LRRC4C: variants seen among roughly 807,000 people sequenced by gnomAD.
The protein encoded by LRRC4C is leucine-rich repeat-containing protein 4C.
Under a neutral mutation model 33.6 loss-of-function variants are expected in LRRC4C, and 5 were observed. The observed-to-expected ratio is 0.15, with a 90% CI of 0.08 to 0.31. LRRC4C has a LOEUF of 0.31. Ranked by LOEUF, LRRC4C falls within the 10% of genes least tolerant of loss-of-function variation. LRRC4C has a pLI of 1.00. For synonymous variants in LRRC4C, 329 were observed against 302.0 expected (o/e 1.09, Z -0.93); for missense variants, 560 against 796.7 (o/e 0.70, Z 3.58).
chr11:41,108,185 C>A (rs781705284), intron 1 of LRRC4C, among the ~76,000 whole-genome samples: 1 of 152,046 alleles, frequency 6.6e-6, no homozygotes, highest in Non-Finnish European at 1.5e-5. Flanking sequence ...TTCCCCTAGT[C>A]TTTTTCCCCT....
intron 2 of LRRC4C, among the ~76,000 whole-genome samples, chr11:40,827,876 T>C (rs1952234270): frequency 6.6e-6 from 1 of 151,736 alleles, no homozygotes; most frequent in Non-Finnish European, 1.5e-5. Context: ...AAATGTAAGA[T>C]ATATCACCTC....
intron 1 of LRRC4C, among the ~76,000 whole-genome samples, chr11:41,414,614 G>A (rs1179530365): frequency 1.3e-5 from 2 of 151,866 alleles, no homozygotes; most frequent in African/African-American, 4.8e-5. Flanking sequence ...TTTTGGAGAG[G>A]TTCAGAACAG....
At chr11:41,388,603 T>G (rs2137970045) in intron 1 of LRRC4C, among the ~76,000 whole-genome samples, 1 of 152,048 alleles carries the variant, frequency 6.6e-6, no homozygotes, top group South Asian at 2.1e-4. Flanking sequence ...TCAGTTGAAT[T>G]AGCTGAATGG....
chr11:40,643,607 C>T (rs1942252816), intron 3 of LRRC4C, among the ~76,000 whole-genome samples: 1 of 152,120 alleles, frequency 6.6e-6, no homozygotes. Context: ...GGAATAATGA[C>T]ACCAATACCC....
chr11:40,139,385 TATC>T (rs2134948856), intron 6 of LRRC4C, among the ~76,000 whole-genome samples: 1 of 152,342 alleles, frequency 6.6e-6, no homozygotes, highest in Non-Finnish European at 1.5e-5. Context: ...GGGACAATAC[TATC>T]ATCATACTGA....
chr11:41,425,494 G>C (rs1237404913), intron 1 of LRRC4C, among the ~76,000 whole-genome samples: 1 of 151,996 alleles, frequency 6.6e-6, no homozygotes, highest in African/African-American at 2.4e-5. Context: ...TAAACATTTG[G>C]TTGCCAATGA....
intron 1 of LRRC4C, among the ~76,000 whole-genome samples, chr11:41,292,744 C>T (rs185628827): frequency 5.9e-5 from 9 of 152,084 alleles, no homozygotes; most frequent in African/African-American, 2.2e-4. Context: ...TCAATTAATC[C>T]TTTGGATCAT....
intron 1 of LRRC4C, among the ~76,000 whole-genome samples, chr11:41,112,903 T>C (rs904826586): frequency 1.3e-5 from 2 of 152,088 alleles, no homozygotes; most frequent in African/African-American, 4.8e-5. Context: ...TAGGTGTGTG[T>C]GTGTGCACGT....
chr11:41,386,094 G>A (rs193045293), intron 1 of LRRC4C, among the ~76,000 whole-genome samples: 5 of 151,610 alleles, frequency 3.3e-5, no homozygotes, highest in Non-Finnish European at 7.4e-5. Flanking sequence ...GTGTATTTAT[G>A]TATGTATATA....
At chr11:40,556,256 G>A (rs908786095) in intron 3 of LRRC4C, among the ~76,000 whole-genome samples, 1 of 152,092 alleles carries the variant, frequency 6.6e-6, no homozygotes, top group African/African-American at 2.4e-5. Context: ...ATCCTATAGG[G>A]GGTCTCTAAT....
At chr11:40,902,958 T>A (rs1956271017) in intron 2 of LRRC4C, among the ~76,000 whole-genome samples, 1 of 152,152 alleles carries the variant, frequency 6.6e-6, no homozygotes, top group Non-Finnish European at 1.5e-5. Context: ...AAGATCTAGT[T>A]AAGATCATTA....
At chr11:41,256,760 C>T (rs1356961472) in intron 1 of LRRC4C, among the ~76,000 whole-genome samples, 1 of 151,926 alleles carries the variant, frequency 6.6e-6, no homozygotes, top group African/African-American at 2.4e-5. Flanking sequence ...AAATCTACAA[C>T]AATTTAAGGC....
intron 2 of LRRC4C, among the ~76,000 whole-genome samples, chr11:40,787,261 T>TG (rs150684994): frequency 0.13 from 19,053 of 150,182 alleles, 2,004 homozygotes; most frequent in African/African-American, 0.3. Flanking sequence ...AATTGCCAAC[T>TG]GGGGGGGGTA....
chr11:40,943,088 A>G (rs889833591), intron 1 of LRRC4C, among the ~76,000 whole-genome samples: 2 of 152,176 alleles, frequency 1.3e-5, no homozygotes, highest in Admixed American at 6.5e-5. Context: ...GTTTTCTTAA[A>G]TGCAGGTAAT....
At chr11:41,065,098 A>G (rs1938123044) in intron 1 of LRRC4C, among the ~76,000 whole-genome samples, 1 of 152,186 alleles carries the variant, frequency 6.6e-6, no homozygotes, top group African/African-American at 2.4e-5. Flanking sequence ...CAGGGAGCCA[A>G]GTGGTCTTGT....
intron 2 of LRRC4C, among the ~76,000 whole-genome samples, chr11:40,895,128 G>GA (rs553236927): frequency 4.7e-5 from 7 of 149,626 alleles, no homozygotes; most frequent in South Asian, 4.2e-4. Flanking sequence ...ATTGTTCAAG[G>GA]AAAAAAAAAT....
intron 5 of LRRC4C, among the ~76,000 whole-genome samples, chr11:40,230,245 T>G (rs1865105882): frequency 6.6e-6 from 1 of 152,200 alleles, no homozygotes; most frequent in African/African-American, 2.4e-5. Flanking sequence ...AGAAGAAACA[T>G]TTTCTACTTT....
chr11:40,462,810 CTCT>C (rs1471950096), intron 3 of LRRC4C, among the ~76,000 whole-genome samples: 2 of 152,052 alleles, frequency 1.3e-5, no homozygotes, highest in Admixed American at 6.6e-5. Flanking sequence ...GCAGATTCAT[CTCT>C]TTTTTATCCC....
intron 1 of LRRC4C, among the ~76,000 whole-genome samples, chr11:41,001,553 C>A (rs1003120104): frequency 1.3e-5 from 2 of 151,998 alleles, no homozygotes; most frequent in Non-Finnish European, 2.9e-5. Flanking sequence ...GCATACTCTT[C>A]TCAGCCTGTC....
Sources: allele counts gnomAD v4.1 joint callset (sites outside exome capture counted in the v4.1 genomes callset), GRCh38; gene constraint gnomAD v4.1.1; transcripts MANE v1.5; gene names NCBI Gene and HGNC (gene_info 2026-07-23, HGNC 2026-07-21).